The following KCNQ3 variants were observed in gnomAD, a reference collection of about 807,000 sequenced individuals.
The protein encoded by KCNQ3 is potassium voltage-gated channel subfamily KQT member 3.
In KCNQ3, 30 loss-of-function variants were observed where a neutral mutation model predicts 92.5. The observed-to-expected ratio is 0.32, with a 90% CI of 0.24 to 0.44. The LOEUF (loss-of-function observed/expected upper bound fraction) is 0.44. Among genes scored for constraint, KCNQ3 ranks in the 20% least tolerant of loss-of-function variants. The pLI is 1.00. For synonymous variants in KCNQ3, 450 were observed against 468.8 expected, an observed-to-expected ratio of 0.96 and a Z score of 0.52; for missense variants, 913 against 1,140.3, an observed-to-expected ratio of 0.80 and a Z score of 2.87.
intron 1 of KCNQ3, among the ~76,000 whole-genome samples, chr8:132,430,822 C>T (rs982223864): frequency 1.3e-5 from 2 of 152,102 alleles, no homozygotes; most frequent in Non-Finnish European, 2.9e-5. Flanking sequence ...GTGGTGGTTC[C>T]GTTTGTCCTT....
intron 1 of KCNQ3, among the ~76,000 whole-genome samples, chr8:132,466,294 C>A (rs1312417685): frequency 6.6e-6 from 1 of 152,060 alleles, no homozygotes; most frequent in Non-Finnish European, 1.5e-5. Context: ...TAAGAATCAC[C>A]GAGAAAACAG....
chr8:132,153,068 TAA>T (rs74714774), intron 9 of KCNQ3, among the ~76,000 whole-genome samples: 81,113 of 151,826 alleles, frequency 0.53, 21,985 homozygotes, highest in African/African-American at 0.6. Context: ...TAGTTGTTTT[TAA>T]AAGTTTTTGC....
At chr8:132,390,032 C>A (rs920001439) in intron 1 of KCNQ3, among the ~76,000 whole-genome samples, 9 of 152,150 alleles carry the variant, frequency 5.9e-5, no homozygotes, top group Non-Finnish European at 1.2e-4. Context: ...AAATATCCAT[C>A]GACTGCCATT....
At chr8:132,475,296 T>C (rs1286508630) in intron 1 of KCNQ3, among the ~76,000 whole-genome samples, 1 of 152,194 alleles carries the variant, frequency 6.6e-6, no homozygotes, top group Non-Finnish European at 1.5e-5. Flanking sequence ...GAAGAGACTT[T>C]GGAACTGGGT....
intron 1 of KCNQ3, among the ~76,000 whole-genome samples, chr8:132,399,648 T>C (rs1361858248): frequency 6.6e-6 from 1 of 152,228 alleles, no homozygotes; most frequent in Admixed American, 6.5e-5. Flanking sequence ...GAATGAATCA[T>C]TCTAACAATT....
intron 12 of KCNQ3, among the ~76,000 whole-genome samples, 167 bp downstream of exon 12, chr8:132,137,718 C>T (rs1825148812): frequency 6.6e-6 from 1 of 152,168 alleles, no homozygotes; most frequent in Admixed American, 6.5e-5. Context: ...CACAGTCTGT[C>T]CGATCTGGTG....
chr8:132,207,141 T>G (rs1813686074), intron 1 of KCNQ3, among the ~76,000 whole-genome samples: 1 of 152,210 alleles, frequency 6.6e-6, no homozygotes, highest in Non-Finnish European at 1.5e-5. Flanking sequence ...CATACAGATT[T>G]TCTTTAAGAC....
At chr8:132,244,957 A>G (rs907528540) in intron 1 of KCNQ3, among the ~76,000 whole-genome samples, 1 of 147,268 alleles carries the variant, frequency 6.8e-6, no homozygotes, top group Non-Finnish European at 1.5e-5. Flanking sequence ...AAAGCTACCC[A>G]CGATTCCACT....
intron 1 of KCNQ3, among the ~76,000 whole-genome samples, chr8:132,191,656 C>A (rs1827167015): frequency 6.7e-6 from 1 of 148,838 alleles, no homozygotes; most frequent in East Asian, 1.9e-4. Context: ...ATATATAAAT[C>A]TCCATATCTC....
intron 1 of KCNQ3, among the ~76,000 whole-genome samples, chr8:132,295,189 A>G (rs973570406): frequency 6.6e-6 from 1 of 152,250 alleles, no homozygotes; most frequent in East Asian, 1.9e-4. Context: ...ACAAATTTAC[A>G]AGAAAATAAA....
intron 1 of KCNQ3, among the ~76,000 whole-genome samples, chr8:132,343,041 C>T (rs988926990): frequency 2.6e-5 from 4 of 152,200 alleles, no homozygotes; most frequent in African/African-American, 9.7e-5. Context: ...TGCCTCTGTC[C>T]AAGTACACTG....
At chr8:132,373,535 T>C (rs1306486048) in intron 1 of KCNQ3, among the ~76,000 whole-genome samples, 1 of 152,172 alleles carries the variant, frequency 6.6e-6, no homozygotes, top group Non-Finnish European at 1.5e-5. Flanking sequence ...TACTTGCATA[T>C]ACTATCTCCA....
At chr8:132,311,643 T>C (rs1408084663) in intron 1 of KCNQ3, among the ~76,000 whole-genome samples, 1 of 152,198 alleles carries the variant, frequency 6.6e-6, no homozygotes, top group Non-Finnish European at 1.5e-5. Flanking sequence ...AGAATTCACA[T>C]ATGTGAAGTG....
At chr8:132,449,054 A>G (rs1821761876) in intron 1 of KCNQ3, among the ~76,000 whole-genome samples, 1 of 152,152 alleles carries the variant, frequency 6.6e-6, no homozygotes, top group Non-Finnish European at 1.5e-5. Context: ...TGAGCAAAAT[A>G]TTGGACCTCT....
At chr8:132,327,133 G>A (rs1818080669) in intron 1 of KCNQ3, among the ~76,000 whole-genome samples, 1 of 152,156 alleles carries the variant, frequency 6.6e-6, no homozygotes, top group Non-Finnish European at 1.5e-5. Flanking sequence ...AGGCATGGAG[G>A]CAGGTGCTGA....
chr8:132,313,164 G>T (rs947847126), intron 1 of KCNQ3, among the ~76,000 whole-genome samples: 18 of 152,320 alleles, frequency 1.2e-4, no homozygotes, highest in African/African-American at 3.8e-4. Flanking sequence ...ATTAAGGGGA[G>T]AATAAAGAAT....
intron 1 of KCNQ3, among the ~76,000 whole-genome samples, chr8:132,192,386 A>G (rs932129230): frequency 1.3e-5 from 2 of 152,212 alleles, no homozygotes; most frequent in African/African-American, 4.8e-5. Flanking sequence ...CCCTTAACAT[A>G]TGAACTTAAT....
chr8:132,406,201 G>A (rs1820474944), intron 1 of KCNQ3, among the ~76,000 whole-genome samples: 1 of 152,166 alleles, frequency 6.6e-6, no homozygotes, highest in South Asian at 2.1e-4. Flanking sequence ...ACAGATGTTG[G>A]GCTTGGGTGG....
Position 132,127,949 on chromosome 8 carries a change from T to C in KCNQ3, c.*1313A>G, listed in dbSNP as rs1354421588. ...TTCCATAAATTTGGAAAAGTAAAATTGGACGGTTCTGGAAATTTTGCCTGT... is the reference window on the plus strand; with the variant it reads ...TTCCATAAATTTGGAAAAGTAAAATCGGACGGTTCTGGAAATTTTGCCTGT... On this transcript the variant is annotated 3_prime_UTR_variant, in exon 15 of 15. Transcript: ENST00000388996. The C allele has an allele frequency of 6.6e-6, 1 of 152,224 alleles. No homozygotes were observed. Among genetic ancestry groups the C allele is most frequent in the Admixed American group, 6.5e-5 (1 of 15,288 alleles). 9.4% of individuals were successfully genotyped at this position (152,224 alleles called of 1,614,324 possible).
Sources: allele counts gnomAD v4.1 joint callset (sites outside exome capture counted in the v4.1 genomes callset), GRCh38; gene constraint gnomAD v4.1.1; transcripts MANE v1.5; gene names NCBI Gene and HGNC (gene_info 2026-07-23, HGNC 2026-07-21).